NRG3: variants seen among roughly 807,000 people sequenced by gnomAD.
The protein encoded by NRG3 is pro-neuregulin-3, membrane-bound isoform.
A neutral mutation model predicts 66.9 loss-of-function variants in NRG3; 31 were observed. The ratio of observed to expected loss-of-function variants is 0.46; its 90% CI spans 0.35 to 0.63. The LOEUF (loss-of-function observed/expected upper bound fraction) is 0.63. Among genes scored for constraint, NRG3 ranks in the 20% least tolerant of loss-of-function variants. The pLI is 0.00. For synonymous variants in NRG3, 393 were observed against 359.4 expected, an observed-to-expected ratio of 1.09 and a Z score of -1.06; for missense variants, 910 against 878.9, an observed-to-expected ratio of 1.04 and a Z score of -0.45.
At chr10:82,914,602 G>T (rs1007049028) in intron 4 of NRG3, among the ~76,000 whole-genome samples, 2 of 151,934 alleles carry the variant, frequency 1.3e-5, no homozygotes, top group African/African-American at 4.8e-5. Flanking sequence ...GTGGTTTTTT[G>T]TTTCTATTCT....
intron 1 of NRG3, among the ~76,000 whole-genome samples, chr10:82,308,015 C>A (rs192351977): frequency 1.1e-3 from 160 of 152,102 alleles, no homozygotes; most frequent in African/African-American, 3.6e-3. Flanking sequence ...ATGATAAATT[C>A]CAATGCTATT....
intron 4 of NRG3, among the ~76,000 whole-genome samples, chr10:82,878,669 G>C (rs746542740): frequency 3.9e-5 from 6 of 152,202 alleles, no homozygotes; most frequent in Admixed American, 3.9e-4. Flanking sequence ...AGATGTCAGC[G>C]TAAACAGGAC....
intron 1 of NRG3, among the ~76,000 whole-genome samples, chr10:82,165,306 A>T (rs1399021397): frequency 6.6e-6 from 1 of 152,130 alleles, no homozygotes; most frequent in African/African-American, 2.4e-5. Flanking sequence ...ATTCCATATC[A>T]GACACCTAAT....
At chr10:82,563,627 C>CA (rs1168982073) in intron 2 of NRG3, among the ~76,000 whole-genome samples, 4 of 151,472 alleles carry the variant, frequency 2.6e-5, no homozygotes. Flanking sequence ...TGATATGTTT[C>CA]ACATATATCA....
At chr10:82,320,890 G>A (rs1170968842) in intron 1 of NRG3, among the ~76,000 whole-genome samples, 2 of 152,108 alleles carry the variant, frequency 1.3e-5, no homozygotes, top group Non-Finnish European at 2.9e-5. Context: ...TAAACCCCAA[G>A]CTCCACGAGC....
At chr10:82,665,895 C>T (rs1230291355) in intron 2 of NRG3, among the ~76,000 whole-genome samples, 2 of 152,182 alleles carry the variant, frequency 1.3e-5, no homozygotes, top group Non-Finnish European at 2.9e-5. Flanking sequence ...GACAGTCTCA[C>T]TCTGTTGCAC....
chr10:82,877,277 C>T (rs1841907919), intron 4 of NRG3, among the ~76,000 whole-genome samples: 4 of 151,792 alleles, frequency 2.6e-5, no homozygotes, highest in Admixed American at 1.3e-4. Context: ...ATGTGTTGAG[C>T]CCCTGTGAGA....
intron 2 of NRG3, among the ~76,000 whole-genome samples, chr10:82,377,455 T>TGCGCGC (rs533450976): frequency 7.2e-5 from 7 of 97,796 alleles, no homozygotes; most frequent in South Asian, 5.0e-4. Context: ...TGTGTGTGTG[T>TGCGCGC]GTGCGCGAGC....
chr10:82,501,760 AC>A (rs1844212925), intron 2 of NRG3, among the ~76,000 whole-genome samples: 1 of 151,988 alleles, frequency 6.6e-6, no homozygotes, highest in Non-Finnish European at 1.5e-5. Flanking sequence ...CAATTCTCTA[AC>A]CACCAAAAAT....
intron 2 of NRG3, among the ~76,000 whole-genome samples, chr10:82,602,669 C>G (rs150786982): frequency 2.0e-4 from 31 of 152,148 alleles, no homozygotes; most frequent in African/African-American, 7.5e-4. Context: ...TGAATGAGAT[C>G]ATATATGAAG....
chr10:82,823,266 T>G (rs2135588832), intron 3 of NRG3, among the ~76,000 whole-genome samples: 1 of 152,236 alleles, frequency 6.6e-6, no homozygotes, highest in South Asian at 2.1e-4. Context: ...AGCACTGAAA[T>G]GAAAAAGTGA....
At chr10:82,933,368 C>A (rs1039389548) in intron 4 of NRG3, among the ~76,000 whole-genome samples, 2 of 152,288 alleles carry the variant, frequency 1.3e-5, no homozygotes, top group Non-Finnish European at 2.9e-5. Context: ...CTCTGCTGCA[C>A]AACCACTCAG....
chr10:81,894,548 C>G (rs1843337443), intron 1 of NRG3, among the ~76,000 whole-genome samples: 1 of 152,086 alleles, frequency 6.6e-6, no homozygotes, highest in South Asian at 2.1e-4. Flanking sequence ...CCTTTTGAGG[C>G]ACTAGAGTTT....
intron 4 of NRG3, among the ~76,000 whole-genome samples, chr10:82,876,455 G>A (rs1467913932): frequency 2.6e-5 from 4 of 152,148 alleles, no homozygotes; most frequent in Admixed American, 2.0e-4. Flanking sequence ...ATTGAAATAA[G>A]GGTATAGCTT....
intron 2 of NRG3, among the ~76,000 whole-genome samples, chr10:82,706,059 T>C (rs1450757251): frequency 6.6e-6 from 1 of 152,184 alleles, no homozygotes; most frequent in Non-Finnish European, 1.5e-5. Flanking sequence ...ACCTGGCCTT[T>C]AAGCTTTCCT....
chr10:82,393,294 C>T (rs906134151), intron 2 of NRG3, among the ~76,000 whole-genome samples: 1 of 152,074 alleles, frequency 6.6e-6, no homozygotes, highest in Non-Finnish European at 1.5e-5. Context: ...GATTAGGATA[C>T]TGTGTGGCTC....
intron 1 of NRG3, among the ~76,000 whole-genome samples, chr10:82,356,427 T>G (rs1300332641): frequency 6.6e-6 from 1 of 152,208 alleles, no homozygotes; most frequent in East Asian, 1.9e-4. Context: ...AGCAGTCAAC[T>G]GTGCACCGTT....
intron 3 of NRG3, among the ~76,000 whole-genome samples, chr10:82,823,734 A>T (rs907737144): frequency 6.6e-6 from 1 of 152,092 alleles, no homozygotes; most frequent in African/African-American, 2.4e-5. Context: ...CCCTCATCTC[A>T]GACAAATTTT....
intron 1 of NRG3, among the ~76,000 whole-genome samples, chr10:81,920,621 A>G (rs1425642554): frequency 2.0e-5 from 3 of 152,230 alleles, no homozygotes; most frequent in Non-Finnish European, 1.5e-5. Context: ...ATCAAATTCA[A>G]ATAATCTGTA....
Sources: gnomAD v4.1 joint callset for allele counts (sites outside exome capture counted in the v4.1 genomes callset) on GRCh38, gnomAD v4.1.1 for gene constraint, MANE v1.5 for transcripts, NCBI Gene and HGNC (gene_info 2026-07-23, HGNC 2026-07-21) for gene names.